TRPV3: variants seen among roughly 807,000 people sequenced by gnomAD.
TRPV3 encodes the protein transient receptor potential cation channel subfamily V member 3, also known as VRL-3.
Under a neutral mutation model 87.1 loss-of-function variants are expected in TRPV3, and 88 were observed. That is an observed-to-expected ratio of 1.01 (90% CI 0.85 to 1.21). The LOEUF is 1.21. TRPV3 is among the 50% of genes most tolerant of loss of function. The probability of loss-of-function intolerance (pLI) is 0.00; values close to 1 mark genes in which losing one functional copy is unlikely to be tolerated. For missense variants in TRPV3, 1,054 were observed against 1,030.1 expected (o/e 1.02, Z -0.32); for synonymous variants, 438 against 423.3 (o/e 1.03, Z -0.43).
chr17:3,528,060 C>A lies in TRPV3; in HGVS notation c.1468G>T (p.Val490Leu), dbSNP rs202214044. 6.2e-6 allele frequency: 10 copies of A among 1,613,774 alleles called. No homozygotes were observed. ...GWLQLLGRMF[V>L]LIWAMCISVK... The stretch of plus-strand genomic sequence containing the variant: ...GAGATGCACATGGCCCAGATGAGCA[C>A]AAACATCCTCCCTAGGAGCTGCAGC... Residue 490 changes from valine to leucine, a missense_variant, in exon 11 of 18, where the codon GTG (valine) becomes TTG (leucine). Val to Leu is a conservative substitution (Grantham distance 32, BLOSUM62 1). Transcript: ENST00000576742. The surrounding 1 kb of genome is among the most constrained non-coding windows in gnomAD (Gnocchi z 4.2).
rs554215937 is a variant in TRPV3 at position 3,523,543 on chromosome 17, A to AT, written c.1743+654_1743+655insA. On this transcript the variant is annotated intron_variant, in intron 13 of 17. Transcript: ENST00000576742. ...AGACAATCCTGGCCAACATGCTGAA[A>AT]CCCTGTCTCTACTAAAAATACAAAA... Among the ~76,000 whole-genome samples the AT allele has an allele frequency of 9.2e-5, 14 of 152,088 alleles. No individual in the cohort carries two copies. The East Asian group carries it at 2.3e-3, about 25-fold the overall frequency.
intron 2 of TRPV3, among the ~76,000 whole-genome samples, chr17:3,547,681 T>C (rs1409346201): frequency 6.6e-6 from 1 of 151,866 alleles, no homozygotes; most frequent in Non-Finnish European, 1.5e-5. Context: ...GGGCTGGGAA[T>C]TCCCTGTGGA....
rs151021061 is a variant in TRPV3 at position 3,545,208 on chromosome 17, A to G, written c.183T>C (p.Pro61=). Residue 61 remains proline (P), a synonymous_variant, in exon 3 of 18, where the codon CCT becomes CCC. Transcript: ENST00000576742. ...AATCCATGGGCTTGGAGAAGACAGG[A>G]GGAGAGGTCTTGGCAACTGTGGGGT... The part of the protein sequence containing the change: ...EPNPTVAKTS[P]PVFSKPMDSN... 4.3e-5 allele frequency: 70 copies of G among 1,613,814 alleles called. No homozygotes were observed. The Admixed American group carries it at 5.0e-4, about 12-fold the overall frequency.
intron 2 of TRPV3, among the ~76,000 whole-genome samples, chr17:3,551,794 T>A (rs1461984155): frequency 6.6e-6 from 1 of 150,908 alleles, no homozygotes; most frequent in Non-Finnish European, 1.5e-5. Context: ...CCAGACTCCC[T>A]GGTGCCTTTG....
intron 8 of TRPV3, among the ~76,000 whole-genome samples, chr17:3,531,598 G>C (rs1597478366): frequency 1.3e-5 from 2 of 152,260 alleles, no homozygotes; most frequent in East Asian, 3.9e-4. Flanking sequence ...CATGCTCCAT[G>C]CAGGAAGCCT....
intron 15 of TRPV3, among the ~76,000 whole-genome samples, chr17:3,517,455 C>T (rs540332334): frequency 2.0e-5 from 3 of 151,692 alleles, no homozygotes; most frequent in African/African-American, 4.8e-5. Flanking sequence ...CCCATCTCTA[C>T]AAAAAATACA....
intron 9 of TRPV3, 55 bp from the exon 10 acceptor site, chr17:3,529,050 G>A (rs1469402317): frequency 7.5e-6 from 12 of 1,600,156 alleles, no homozygotes; most frequent in South Asian, 4.4e-5. Context: ...GGGAGGGACC[G>A]TTTTCTAAAG....
At chr17:3,525,180 A>G (rs573629299) in intron 12 of TRPV3, among the ~76,000 whole-genome samples, 9 of 151,880 alleles carry the variant, frequency 5.9e-5, no homozygotes, top group Non-Finnish European at 8.8e-5. Context: ...CCACCACACC[A>G]GGCTCATTTT....
chr17:3,542,464 G>A lies in TRPV3; in HGVS notation c.643+58C>T, dbSNP rs544684221. 7.7e-6 allele frequency: 12 copies of A among 1,568,250 alleles called. No homozygotes were observed. In the East Asian group the frequency reaches 2.5e-4, roughly 32 times the overall value. On this transcript the variant is annotated intron_variant, in intron 6 of 17. Coordinates refer to ENST00000576742, the MANE Select transcript of TRPV3 (RefSeq NM_145068.4). ...TGGCCTGGCCAGCAGTGGCCCTGTG[G>A]CCCCATACCCCACCCTCAGAGACTC...
intron 14 of TRPV3, among the ~76,000 whole-genome samples, chr17:3,519,481 A>G (rs1403379587): frequency 4.8e-4 from 43 of 89,350 alleles, no homozygotes; most frequent in Non-Finnish European, 5.6e-4. Flanking sequence ...TGGATAGATG[A>G]TTGGATGGAT....
intron 6 of TRPV3, among the ~76,000 whole-genome samples, chr17:3,540,130 A>G (rs2074445382): frequency 6.6e-6 from 1 of 152,150 alleles, no homozygotes; most frequent in Non-Finnish European, 1.5e-5. Flanking sequence ...TATTTTAGAT[A>G]CAAAAAAATG....
intron 16 of TRPV3, among the ~76,000 whole-genome samples, chr17:3,515,075 G>A (rs929228327): frequency 6.6e-6 from 1 of 152,184 alleles, no homozygotes; most frequent in Non-Finnish European, 1.5e-5. Context: ...GAGGAAGCAC[G>A]AAGAGCCTGT....
chr17:3,531,045 G>T (rs1355920253), intron 8 of TRPV3, among the ~76,000 whole-genome samples: 1 of 148,654 alleles, frequency 6.7e-6, no homozygotes, highest in African/African-American at 2.5e-5. Flanking sequence ...AATGAAGTGA[G>T]ACTCTAGTCT....
chr17:3,535,596 T>C lies in TRPV3; in HGVS notation c.761A>G (p.Tyr254Cys), dbSNP rs2074401736. 1 of 1,608,212 alleles carries C rather than the reference T, an allele frequency of 6.2e-7. No homozygotes were observed. Among genetic ancestry groups the C allele is most frequent in the Non-Finnish European group, 8.5e-7 (1 of 1,178,234 alleles). Residue 254 changes from tyrosine (Y) to cysteine (C), a missense_variant, in exon 7 of 18, where the codon TAC (tyrosine) becomes TGC (cysteine). Coordinates refer to ENST00000576742, the MANE Select transcript of TRPV3 (RefSeq NM_145068.4). ...HAKGAFFNPK[Y>C]QHEGFYFGET... ...ACCGAAGTAGAAGCCTTCGTGTTGGTACTTGGGGTTGAAGAAGGCCCCCTT... is the reference window on the plus strand; with the variant it reads ...ACCGAAGTAGAAGCCTTCGTGTTGGCACTTGGGGTTGAAGAAGGCCCCCTT...
intron 4 of TRPV3, 106 bp from the exon 5 acceptor site, chr17:3,543,734 T>C: frequency 2.7e-6 from 4 of 1,462,946 alleles, no homozygotes; most frequent in Non-Finnish European, 3.7e-6. Flanking sequence ...GCCGCCAACA[T>C]CTCCCATGCC....
Position 3,511,846 on chromosome 17 carries a change from G to T in TRPV3, c.*2071C>A, listed in dbSNP as rs1376400561. The T allele has an allele frequency of 6.6e-6, 1 of 152,162 alleles. No individual in the cohort carries two copies. 9.4% of individuals were successfully genotyped at this position (152,162 alleles called of 1,614,324 possible). ...TACGGCTTTATCCATTAATGGATAT[G>T]ACTTTCTCCATTAATATCTGAGTCA... On this transcript the variant is annotated 3_prime_UTR_variant, in exon 18 of 18. Coordinates refer to ENST00000576742, the MANE Select transcript of TRPV3 (RefSeq NM_145068.4).
At position 3,520,610 on chromosome 17, in the gene TRPV3, G is replaced by A. The variant is rs1292346337; in HGVS notation, c.1810+363C>T. Among the ~76,000 whole-genome samples the A allele has an allele frequency of 3.3e-5, 5 of 152,162 alleles. No individual in the cohort carries two copies. The South Asian group carries it at 8.3e-4, about 25-fold the overall frequency. On this transcript the variant is annotated intron_variant, in intron 14 of 17. Coordinates refer to ENST00000576742, the MANE Select transcript of TRPV3 (RefSeq NM_145068.4). ...TGAATCCTGGAGTCTCTAAGCCTCA[G>A]TTACCTTATGATCGGGGTGATGATT...
rs1026924040 is a variant in TRPV3 at position 3,518,038 on chromosome 17, C to T, written c.2085+538G>A. 6.6e-6 allele frequency among the ~76,000 whole-genome samples: 1 copy of T among 151,968 alleles called. No individual in the cohort carries two copies. The highest frequency in any genetic ancestry group is 1.5e-5 in the Non-Finnish European group (1 of 67,996). On this transcript the variant is annotated intron_variant, in intron 15 of 17. Transcript: ENST00000576742. The surrounding 1 kb of genome is among the most constrained non-coding windows in gnomAD (Gnocchi z 4.3). ...TTCACCATGTTGGCCAAGCTGGGCTCGAACTCTTGACCTCAGGTGATCCAC... is the reference window on the plus strand; with the variant it reads ...TTCACCATGTTGGCCAAGCTGGGCTTGAACTCTTGACCTCAGGTGATCCAC...
rs778092838 is a variant in TRPV3 at position 3,529,001 on chromosome 17, G to T, written c.1243-6C>A. Reference sequence around the variant, plus strand: ...GTCAGCATCTCATGCCGGTTCTAGGGGTAGAATGCCACCAGTCACCATGGA... The same window carrying T: ...GTCAGCATCTCATGCCGGTTCTAGGTGTAGAATGCCACCAGTCACCATGGA... On this transcript the variant is annotated splice_polypyrimidine_tract_variant and splice_region_variant and intron_variant, in intron 9 of 17. Coordinates refer to ENST00000576742, the MANE Select transcript of TRPV3 (RefSeq NM_145068.4). 6 of 1,613,996 alleles carry T rather than the reference G, an allele frequency of 3.7e-6. No individual in the cohort carries two copies. The highest frequency in any genetic ancestry group is 1.3e-5 in the African/African-American group (1 of 74,916).
Sources: allele counts gnomAD v4.1 joint callset (sites outside exome capture counted in the v4.1 genomes callset), GRCh38; gene constraint gnomAD v4.1.1; non-coding constraint Gnocchi (gnomAD v3.1); transcripts MANE v1.5; gene names NCBI Gene and HGNC (gene_info 2026-07-23, HGNC 2026-07-21).